Variants in MCC observed in about 807,000 individuals in gnomAD.
The protein encoded by MCC is colorectal mutant cancer protein.
A neutral mutation model predicts 116.2 loss-of-function variants in MCC; 90 were observed. That is an observed-to-expected ratio of 0.77 (90% CI 0.65 to 0.92). MCC has a LOEUF of 0.92. MCC is among the 40% of genes least tolerant of loss of function. The pLI is 0.00. For missense variants in MCC, 1,516 were observed against 1,312.2 expected (o/e 1.16, Z -2.40); for synonymous variants, 578 against 510.5 (o/e 1.13, Z -1.78).
At chr5:113,213,179 C>T (rs369999803) in intron 3 of MCC, among the ~76,000 whole-genome samples, 3 of 152,276 alleles carry the variant, frequency 2.0e-5, no homozygotes, top group South Asian at 4.1e-4. Flanking sequence ...CAACTTTCTG[C>T]GAACCCTCTA....
At chr5:113,376,574 T>TATATACACACACAC (rs10633405) in intron 2 of MCC, among the ~76,000 whole-genome samples, 39 of 145,892 alleles carry the variant, frequency 2.7e-4, no homozygotes, top group African/African-American at 9.2e-4. Flanking sequence ...CCATATTTTA[T>TATATACACACACAC]ACACACACAC....
chr5:113,159,528 C>G (rs1469051004), intron 3 of MCC, among the ~76,000 whole-genome samples: 4 of 152,192 alleles, frequency 2.6e-5, no homozygotes, highest in Non-Finnish European at 4.4e-5. Flanking sequence ...GGTTCCCTGT[C>G]CAGAGGCTAC....
Position 113,082,908 on chromosome 5 carries a change from G to A in MCC, c.1736C>T (p.Ser579Leu), listed in dbSNP as rs779095718. The change falls in exon 11 of 19, where the codon TCA becomes TTA. Residue 579 changes from serine to leucine, a missense_variant. Ser to Leu is a moderately radical substitution (Grantham distance 145). Transcript: ENST00000408903. ...QTLYSHGSAISESKIREFEVE... is the reference protein window; with the variant it reads ...QTLYSHGSAILESKIREFEVE... ...CTCAAACTCTCTAATCTTGCTTTCTGAGATGGCAGATCCGTGTGAGTAGAG... is the reference window on the plus strand; with the variant it reads ...CTCAAACTCTCTAATCTTGCTTTCTAAGATGGCAGATCCGTGTGAGTAGAG... 1 of 1,614,182 alleles carries A rather than the reference G, an allele frequency of 6.2e-7. No homozygotes were observed. Among genetic ancestry groups the A allele is most frequent in the East Asian group, 2.2e-5 (1 of 44,880 alleles).
intron 17 of MCC, among the ~76,000 whole-genome samples, chr5:113,035,086 A>G (rs1334124651): frequency 2.0e-5 from 3 of 152,094 alleles, no homozygotes; most frequent in Non-Finnish European, 2.9e-5. Flanking sequence ...CTTAACTGGC[A>G]TCTGCGATTT....
chr5:113,274,937 C>T (rs1327396252), intron 3 of MCC, among the ~76,000 whole-genome samples: 1 of 152,196 alleles, frequency 6.6e-6, no homozygotes, highest in Non-Finnish European at 1.5e-5. Context: ...CAGGCTCTGA[C>T]ACCTCCTGCA....
chr5:113,221,254 T>C (rs562747971), intron 3 of MCC, among the ~76,000 whole-genome samples: 33 of 152,318 alleles, frequency 2.2e-4, no homozygotes, highest in African/African-American at 7.5e-4. Context: ...CTTGCATTTA[T>C]CCCAGTCTGG....
At chr5:113,340,158 A>C (rs1009971984) in intron 3 of MCC, among the ~76,000 whole-genome samples, 9 of 152,378 alleles carry the variant, frequency 5.9e-5, no homozygotes, top group Admixed American at 2.6e-4. Flanking sequence ...TTTCCAAATA[A>C]GTAAAGTCCA....
chr5:113,304,948 A>C (rs552602520), intron 3 of MCC, among the ~76,000 whole-genome samples: 2 of 152,288 alleles, frequency 1.3e-5, no homozygotes, highest in South Asian at 4.2e-4. Context: ...GTTTGGGCTA[A>C]AACAGCATCA....
At chr5:113,264,137 C>T (rs1243113120) in intron 3 of MCC, among the ~76,000 whole-genome samples, 2 of 152,118 alleles carry the variant, frequency 1.3e-5, no homozygotes, top group Non-Finnish European at 2.9e-5. Context: ...GGTAAATATC[C>T]ACTAAAAACT....
intron 2 of MCC, among the ~76,000 whole-genome samples, chr5:113,359,749 G>A (rs1258617157): frequency 6.6e-6 from 1 of 152,214 alleles, no homozygotes; most frequent in Non-Finnish European, 1.5e-5. Flanking sequence ...TGGGGAAGGA[G>A]CATTAAAATG....
chr5:113,104,092 T>C (rs1199980754), intron 7 of MCC, 100 bp downstream of exon 7: 4 of 1,198,248 alleles, frequency 3.3e-6, no homozygotes, highest in East Asian at 2.4e-5. Flanking sequence ...GAAACATTCA[T>C]CCCTAGTAAG....
intron 3 of MCC, among the ~76,000 whole-genome samples, chr5:113,296,286 C>T (rs1766707867): frequency 6.6e-6 from 1 of 152,094 alleles, no homozygotes; most frequent in South Asian, 2.1e-4. Context: ...TCAAGCACTG[C>T]CCCTGCCCTG....
chr5:113,170,059 C>T (rs759021330), intron 3 of MCC, among the ~76,000 whole-genome samples: 13 of 152,226 alleles, frequency 8.5e-5, no homozygotes, highest in Non-Finnish European at 1.3e-4. Flanking sequence ...CCCCACACAT[C>T]TAAGCTCCAA....
At chr5:113,038,111 G>A (rs1239174157) in intron 17 of MCC, among the ~76,000 whole-genome samples, 1 of 152,200 alleles carries the variant, frequency 6.6e-6, no homozygotes, top group Non-Finnish European at 1.5e-5. Flanking sequence ...CTGCTGACGA[G>A]AGGTAGGGAG....
chr5:113,307,778 G>A (rs911669007), intron 3 of MCC, among the ~76,000 whole-genome samples: 1 of 152,150 alleles, frequency 6.6e-6, no homozygotes, highest in Non-Finnish European at 1.5e-5. Flanking sequence ...GATGTTAGCT[G>A]TAGGTTTTTT....
At chr5:113,312,020 C>A (rs181901016) in intron 3 of MCC, among the ~76,000 whole-genome samples, 2 of 152,170 alleles carry the variant, frequency 1.3e-5, no homozygotes. Context: ...GCAGGAGAAT[C>A]GCTTGAAACC....
intron 3 of MCC, among the ~76,000 whole-genome samples, chr5:113,308,739 G>T (rs1767060143): frequency 6.6e-6 from 1 of 151,832 alleles, no homozygotes. Context: ...TGAGTCCAAG[G>T]CCACCTTGAG....
rs1201041544 is a variant in MCC at position 113,022,480 on chromosome 5, A to G, written c.*4822T>C. The G allele has an allele frequency of 6.6e-6, 1 of 152,614 alleles. No individual in the cohort carries two copies. Among genetic ancestry groups the G allele is most frequent in the Non-Finnish European group, 1.5e-5 (1 of 68,050 alleles). 9.5% of individuals were successfully genotyped at this position (152,614 alleles called of 1,614,324 possible). ...ATAGGAAACAAATCTCATGCAAAGTAAATAAATCTTGATGTCTAAAAACTG... is the reference window on the plus strand; with the variant it reads ...ATAGGAAACAAATCTCATGCAAAGTGAATAAATCTTGATGTCTAAAAACTG... On this transcript the variant is annotated 3_prime_UTR_variant, in exon 19 of 19. Coordinates refer to ENST00000408903, the MANE Select transcript of MCC (RefSeq NM_001085377.2).
At chr5:113,269,099 G>C (rs1765519382) in intron 3 of MCC, 1 of 865,222 alleles carries the variant, frequency 1.2e-6, no homozygotes, top group Non-Finnish European at 1.4e-6. Flanking sequence ...AGAAGACAGG[G>C]ATGAAGGAAA....
Sources: gnomAD v4.1 joint callset for allele counts (sites outside exome capture counted in the v4.1 genomes callset) on GRCh38, gnomAD v4.1.1 for gene constraint, MANE v1.5 for transcripts, NCBI Gene and HGNC (gene_info 2026-07-23, HGNC 2026-07-21) for gene names.